Variants in PDPR observed in about 807,000 individuals in gnomAD.
PDPR encodes pyruvate dehydrogenase phosphatase regulatory subunit, mitochondrial.
A neutral mutation model predicts 102.2 loss-of-function variants in PDPR; 50 were observed. That is an observed-to-expected ratio of 0.49 (90% CI 0.39 to 0.62). The LOEUF (loss-of-function observed/expected upper bound fraction) is 0.62. PDPR is among the 20% of genes least tolerant of loss of function. The pLI is 0.00. For missense variants in PDPR, 625 were observed against 1,098.2 expected (o/e 0.57, Z 6.09); for synonymous variants, 259 against 406.0 (o/e 0.64, Z 4.35).
chr16:70,159,998 CT>C lies in PDPR; in HGVS notation c.*3120del, dbSNP rs1967629789. 1 of 153,114 alleles carries C rather than the reference CT, an allele frequency of 6.5e-6. No homozygotes were observed. Among genetic ancestry groups the C allele is most frequent in the Admixed American group, 6.5e-5 (1 of 15,288 alleles). The allele number at this position is 153,114 out of a possible 1,614,324, so 9.5% of individuals were successfully genotyped here. A position where few individuals can be genotyped will look rare whatever the true frequency, so the allele number is the denominator to read the frequency against. On this transcript the variant is annotated 3_prime_UTR_variant, in exon 19 of 19. Transcript: ENST00000288050. Reference sequence around the variant, plus strand: ...TTTACAGAGTTGGGTGCTTTTTTCTCTCTGCAATTACCTGTCATAGCATTTT... The same window carrying C: ...TTTACAGAGTTGGGTGCTTTTTTCTCCTGCAATTACCTGTCATAGCATTTT...
At chr16:70,143,183 A>C (rs1965905045) in intron 13 of PDPR, among the ~76,000 whole-genome samples, 1 of 151,926 alleles carries the variant, frequency 6.6e-6, no homozygotes, top group African/African-American at 2.4e-5. Context: ...GTGAGACTCC[A>C]TCTCAAAAAA....
At chr16:70,145,295 G>A (rs1351942868) in intron 15 of PDPR, among the ~76,000 whole-genome samples, 5 of 152,208 alleles carry the variant, frequency 3.3e-5, no homozygotes, top group South Asian at 2.1e-4. Flanking sequence ...CCGCCACCAC[G>A]CCGGGCTAAT....
intron 2 of PDPR, among the ~76,000 whole-genome samples, chr16:70,118,582 G>A (rs1962895352): frequency 1.3e-5 from 2 of 152,232 alleles, no homozygotes; most frequent in Admixed American, 1.3e-4. Context: ...GTTGCCATTG[G>A]GACAGAGGGT....
chr16:70,118,717 G>A (rs746677713), intron 2 of PDPR, among the ~76,000 whole-genome samples: 2 of 152,176 alleles, frequency 1.3e-5, no homozygotes, highest in African/African-American at 2.4e-5. Flanking sequence ...AATTGGTCAC[G>A]TGGAGATGAG....
At chr16:70,155,307 G>GT (rs1382123204) in intron 18 of PDPR, among the ~76,000 whole-genome samples, 3 of 152,276 alleles carry the variant, frequency 2.0e-5, no homozygotes, top group Non-Finnish European at 2.9e-5. Context: ...TTGAGACGGA[G>GT]TTTCGTTCTT....
chr16:70,114,325 C>G (rs1962405512), upstream of PDPR: 1 of 152,214 alleles, frequency 6.6e-6, no homozygotes. Context: ...CGCCCCGCCC[C>G]CTTCCCATCC....
chr16:70,156,668 G>T lies in PDPR; in HGVS notation c.2429G>T (p.Arg810Leu). The T allele has an allele frequency of 3.1e-6, 5 of 1,614,056 alleles. No homozygotes were observed. Among genetic ancestry groups the T allele is most frequent in the Non-Finnish European group, 2.5e-6 (3 of 1,179,908 alleles). ...TSSAYSYSLE[R>L]HVCLGFVHNF... ...AGTGCCTACAGCTACAGCCTGGAGC[G>T]CCACGTTTGCCTGGGCTTTGTGCAC... is the stretch of plus-strand genomic sequence containing the variant. Residue 810 changes from arginine to leucine, a missense_variant, in exon 19 of 19, where the codon CGC (arginine) becomes CTC (leucine). Around this residue, in one of 11 missense-constraint regions of PDPR, gnomAD observed 303 missense variants for 258.9 expected, o/e 1.17. Transcript: ENST00000288050.
rs371559790 is a variant in PDPR at position 70,146,207 on chromosome 16, C to T, written c.1941C>T (p.His647=). ...CCTATGCCCCTATGACTCCAGACCA[C>T]TTCCCAAGCCTCTTTTGCAAGGTAA... The part of the protein sequence containing the change: ...ELSYAPMTPD[H]FPSLFCKEMS... The change falls in exon 16 of 19, where the codon CAC becomes CAT. Residue 647 remains histidine (H), a synonymous_variant. Coordinates refer to ENST00000288050, the MANE Select transcript of PDPR (RefSeq NM_017990.5). 1,179 of 1,613,808 alleles carry T rather than the reference C, an allele frequency of 7.3e-4. 10 individuals are homozygous for T. In the African/African-American group the frequency reaches 0.014, roughly 19 times the overall value.
At position 70,136,257 on chromosome 16, in the gene PDPR, T is replaced by C; in HGVS notation, c.1061T>C (p.Leu354Ser). ...PELETLEIMK[L>S]VNCPETFTPD... ...TTAGAGACTCTGGAGATCATGAAGT[T>C]GGTGAACTGCCCAGAGACCTTCACA... Residue 354 changes from leucine (L) to serine (S), a missense_variant, in exon 10 of 19, where the codon TTG becomes TCG. By Grantham distance (145) the Leu-to-Ser change is moderately radical. Around this residue, in one of 11 missense-constraint regions of PDPR, gnomAD observed 50 missense variants for 79.9 expected, o/e 0.63. Transcript: ENST00000288050. 1 of 1,612,848 alleles carries C rather than the reference T, an allele frequency of 6.2e-7. No homozygotes were observed. Among genetic ancestry groups the C allele is most frequent in the Non-Finnish European group, 8.5e-7 (1 of 1,179,242 alleles).
rs1305478893 is a variant in PDPR, at chr16:70,159,792, G to C, written c.*2913G>C. The C allele has an allele frequency of 1.3e-5, 2 of 152,888 alleles. No individual in the cohort carries two copies. Among genetic ancestry groups the C allele is most frequent in the Non-Finnish European group, 2.9e-5 (2 of 68,524 alleles). The allele number at this position is 152,888 out of a possible 1,614,324, so 9.5% of individuals were successfully genotyped here. A position where few individuals can be genotyped will look rare whatever the true frequency, so the allele number is the denominator to read the frequency against. ...ACAGGGGAGGCCAGTAGATGCCCCAGATCCAGAGCCGTGGCTGCAAATCCA... is the reference window on the plus strand; with the variant it reads ...ACAGGGGAGGCCAGTAGATGCCCCACATCCAGAGCCGTGGCTGCAAATCCA... On this transcript the variant is annotated 3_prime_UTR_variant, in exon 19 of 19. Transcript: ENST00000288050.
In PDPR at chr16:70,144,548, G is replaced by A; in HGVS notation, c.1867+15G>A. The A allele has an allele frequency of 1.8e-6, 1 of 562,520 alleles. No individual in the cohort carries two copies. The highest frequency in any genetic ancestry group is 3.2e-6 in the Non-Finnish European group (1 of 310,318). 34.8% of individuals were successfully genotyped at this position (562,520 alleles called of 1,614,324 possible). A position where few individuals can be genotyped will look rare whatever the true frequency, so the allele number is the denominator to read the frequency against. ...GAAGTACACAGGTACGGGGGTTCGG[G>A]CTCTGCCACGTCGAAAAGGCCAGCA... On this transcript the variant is annotated intron_variant, in intron 15 of 18. Transcript: ENST00000288050.
chr16:70,123,889 C>T (rs1404823007), intron 3 of PDPR, among the ~76,000 whole-genome samples: 119 of 152,246 alleles, frequency 7.8e-4, no homozygotes, highest in African/African-American at 2.7e-3. Context: ...GCCGTCTCTA[C>T]TAAAAAATAC....
intron 3 of PDPR, among the ~76,000 whole-genome samples, chr16:70,122,868 C>CACACACACACACACACACACA (rs1555520799): frequency 9.3e-5 from 14 of 149,792 alleles, no homozygotes; most frequent in South Asian, 2.1e-4. Flanking sequence ...CACACACACA[C>CACACACACACACACACACACA]CAGTTTAGAC....
At chr16:70,156,261 C>G in intron 18 of PDPR, 1 of 605,710 alleles carries the variant, frequency 1.7e-6, no homozygotes, top group Non-Finnish European at 2.8e-6. Context: ...ATGCGTACCT[C>G]TGTTGTTACA....
Position 70,158,192 on chromosome 16 carries a change from C to G in PDPR, c.*1313C>G, listed in dbSNP as rs940449737. On this transcript the variant is annotated 3_prime_UTR_variant, in exon 19 of 19. Coordinates refer to ENST00000288050, the MANE Select transcript of PDPR (RefSeq NM_017990.5). ...TGCCCTGCGCTTTCAGGCAGTGTCT[C>G]TGTTTTCCCAAGGTGAAACTTAGAT... The G allele has an allele frequency of 6.6e-6, 1 of 152,504 alleles. No individual in the cohort carries two copies. Among genetic ancestry groups the G allele is most frequent in the Admixed American group, 6.5e-5 (1 of 15,292 alleles). 9.4% of individuals were successfully genotyped at this position (152,504 alleles called of 1,614,324 possible).
intron 1 of PDPR, 112 bp downstream of exon 1, chr16:70,114,552 C>T (rs1043500288): frequency 6.6e-6 from 1 of 152,254 alleles, no homozygotes; most frequent in Admixed American, 6.5e-5. Flanking sequence ...GGGTGGTCCC[C>T]GCTAGCTCAC....
At chr16:70,127,660 G>A (rs1448609951) in intron 4 of PDPR, among the ~76,000 whole-genome samples, 2 of 152,254 alleles carry the variant, frequency 1.3e-5, no homozygotes, top group African/African-American at 2.4e-5. Flanking sequence ...TATCCTTACT[G>A]TACTTCTTTT....
At chr16:70,115,810 C>CTCT (rs889794045) in intron 2 of PDPR, among the ~76,000 whole-genome samples, 27 of 152,194 alleles carry the variant, frequency 1.8e-4, no homozygotes, top group Non-Finnish European at 3.4e-4. Context: ...TGTAAAAACT[C>CTCT]TATCATTTGT....
At chr16:70,117,460 G>A (rs1962762632) in intron 2 of PDPR, among the ~76,000 whole-genome samples, 1 of 151,636 alleles carries the variant, frequency 6.6e-6, no homozygotes, top group Non-Finnish European at 1.5e-5. Flanking sequence ...AGAGCTTGCA[G>A]TGAGCTGAGA....
Sources: allele counts gnomAD v4.1 joint callset (sites outside exome capture counted in the v4.1 genomes callset), GRCh38; gene constraint gnomAD v4.1.1; regional missense constraint gnomAD v4.1.1; transcripts MANE v1.5; gene names NCBI Gene and HGNC (gene_info 2026-07-23, HGNC 2026-07-21).